DHRSX: variants seen among roughly 807,000 people sequenced by gnomAD.
DHRSX encodes dehydrogenase/reductase X-linked, also known as polyprenol dehydrogenase.
Under a neutral mutation model 34.0 loss-of-function variants are expected in DHRSX, and 31 were observed. The ratio of observed to expected loss-of-function variants is 0.91; its 90% CI spans 0.69 to 1.23. The LOEUF (loss-of-function observed/expected upper bound fraction) is 1.23, where lower values mean the gene tolerates loss of function less well. Ranked by LOEUF, DHRSX falls within the 50% of genes most tolerant of loss-of-function variation. The pLI, the probability that DHRSX is intolerant of heterozygous loss-of-function variation, is 0.00. For synonymous variants in DHRSX, 201 were observed against 183.8 expected (o/e 1.09, Z -0.76); for missense variants, 414 against 428.1 (o/e 0.97, Z 0.29).
chrX:2,411,303 G>A (rs907633050), intron 2 of DHRSX, among the ~76,000 whole-genome samples: 1 of 151,944 alleles, frequency 6.6e-6, no homozygotes, highest in African/African-American at 2.4e-5. Flanking sequence ...CAGCCCTTTG[G>A]GATTTGGGAA....
intron 3 of DHRSX, among the ~76,000 whole-genome samples, chrX:2,367,780 C>T (rs1423061219): frequency 2.6e-5 from 4 of 152,150 alleles, no homozygotes; most frequent in African/African-American, 7.2e-5. Context: ...TTTGATACAA[C>T]TGGATGGTGG....
chrX:2,473,206 A>G (rs1019640853), intron 1 of DHRSX, among the ~76,000 whole-genome samples: 7 of 152,188 alleles, frequency 4.6e-5, no homozygotes, highest in African/African-American at 1.7e-4. Context: ...GGGACGCCAA[A>G]AACCAGAAAC....
intron 1 of DHRSX, among the ~76,000 whole-genome samples, chrX:2,485,404 G>A (rs751847812): frequency 4.6e-5 from 7 of 151,192 alleles, no homozygotes; most frequent in Admixed American, 4.0e-4. Flanking sequence ...ACTTGGAAAG[G>A]GCAAGTCTGG....
intron 3 of DHRSX, among the ~76,000 whole-genome samples, chrX:2,383,466 A>G (rs981033583): frequency 1.3e-5 from 2 of 151,964 alleles, no homozygotes; most frequent in African/African-American, 4.8e-5. Flanking sequence ...AATTATCACC[A>G]TCATCACCAT....
intron 4 of DHRSX, among the ~76,000 whole-genome samples, chrX:2,283,891 TTCGTTCATTCCTTTGAATTCAC>T (rs2041766065): frequency 1.3e-5 from 2 of 151,900 alleles, no homozygotes; most frequent in African/African-American, 2.4e-5. Flanking sequence ...TTCCTTTGAA[TTCGTTCATTCCTTTGAATTCAC>T]TCATTCCTTT....
rs185353827 is a variant in DHRSX at position 2,290,274 on chromosome X, G to A, written c.388+1228C>T. On this transcript the variant is annotated intron_variant, in intron 4 of 6. Transcript: ENST00000334651. ...TCCCATTAATGTTATACAAAAACAC[G>A]AAACACATCAAGACAAAAAGAAAAA... Among the ~76,000 whole-genome samples the A allele has an allele frequency of 1.6e-4, 24 of 151,934 alleles. No homozygotes were observed. In the East Asian group the frequency reaches 3.5e-3, roughly 22 times the overall value.
chrX:2,365,789 G>C (rs2042988371), intron 3 of DHRSX, among the ~76,000 whole-genome samples: 1 of 152,054 alleles, frequency 6.6e-6, no homozygotes, highest in African/African-American at 2.4e-5. Context: ...GAACACCGGG[G>C]CCTGTCGGGA....
chrX:2,496,642 C>T (rs780262064), intron 1 of DHRSX, among the ~76,000 whole-genome samples: 2 of 152,060 alleles, frequency 1.3e-5, no homozygotes, highest in South Asian at 4.1e-4. Context: ...AAATAAAAAA[C>T]AAAAATAGCT....
At chrX:2,385,481 T>C (rs914859663) in intron 3 of DHRSX, among the ~76,000 whole-genome samples, 4 of 152,104 alleles carry the variant, frequency 2.6e-5, no homozygotes, top group Non-Finnish European at 5.9e-5. Flanking sequence ...ATCATTCTTA[T>C]CTCAGGGTGC....
At chrX:2,265,021 G>T (rs1293435515) in intron 5 of DHRSX, among the ~76,000 whole-genome samples, 1 of 150,572 alleles carries the variant, frequency 6.6e-6, no homozygotes, top group Non-Finnish European at 1.5e-5. Context: ...AGGGAGCACT[G>T]TCCCCAGAGC....
At chrX:2,314,483 A>G (rs375789850) in intron 3 of DHRSX, among the ~76,000 whole-genome samples, 1,309 of 45,496 alleles carry the variant, frequency 0.029, 60 homozygotes, top group Middle Eastern at 0.052. Flanking sequence ...GGAAGGAAGG[A>G]AGGAAGGGAG....
intron 3 of DHRSX, among the ~76,000 whole-genome samples, chrX:2,389,971 G>C (rs1158158704): frequency 1.3e-5 from 2 of 151,658 alleles, no homozygotes; most frequent in Admixed American, 1.3e-4. Context: ...AGTAGAGAAG[G>C]GGTTTCGCCA....
intron 1 of DHRSX, among the ~76,000 whole-genome samples, chrX:2,464,130 G>C (rs1284031763): frequency 6.6e-6 from 1 of 151,668 alleles, no homozygotes. Context: ...CGGCCGCCAT[G>C]TACGCACTGA....
intron 3 of DHRSX, among the ~76,000 whole-genome samples, chrX:2,406,246 C>T (rs1212387792): frequency 3.3e-5 from 5 of 151,404 alleles, no homozygotes; most frequent in South Asian, 2.1e-4. Flanking sequence ...GAGCCGAGAT[C>T]GCACCACTGC....
chrX:2,468,983 T>G (rs975419234), intron 1 of DHRSX, among the ~76,000 whole-genome samples: 1 of 151,440 alleles, frequency 6.6e-6, no homozygotes, highest in African/African-American at 2.4e-5. Flanking sequence ...ACTGAAGACG[T>G]TCCCTAAGAA....
intron 5 of DHRSX, among the ~76,000 whole-genome samples, chrX:2,243,822 T>C (rs946176434): frequency 8.2e-6 from 1 of 121,542 alleles, no homozygotes; most frequent in African/African-American, 3.7e-5. Flanking sequence ...TTTTTTTTTT[T>C]GAGACAGATT....
chrX:2,432,549 T>C (rs1225096126), intron 1 of DHRSX, among the ~76,000 whole-genome samples: 1 of 152,090 alleles, frequency 6.6e-6, no homozygotes, highest in Non-Finnish European at 1.5e-5. Flanking sequence ...TTTCCAAAAA[T>C]AGGCCAACTG....
intron 1 of DHRSX, chrX:2,486,570 G>C (rs996197135): frequency 5.3e-5 from 8 of 152,196 alleles, no homozygotes; most frequent in African/African-American, 1.7e-4. Flanking sequence ...ACGTGAGTGA[G>C]GAAAAGCGAA....
intron 3 of DHRSX, among the ~76,000 whole-genome samples, chrX:2,331,453 T>TTG (rs2042475736): frequency 7.2e-6 from 1 of 138,002 alleles, no homozygotes; most frequent in African/African-American, 2.6e-5. Context: ...TTTTTTTTTT[T>TTG]TTTTTTTTTT....
Sources: gnomAD v4.1 joint callset for allele counts (sites outside exome capture counted in the v4.1 genomes callset) on GRCh38, gnomAD v4.1.1 for gene constraint, MANE v1.5 for transcripts, NCBI Gene and HGNC (gene_info 2026-07-23, HGNC 2026-07-21) for gene names.